Variants in DGKG observed in about 807,000 individuals in gnomAD.
The protein encoded by DGKG is DAG kinase gamma.
In DGKG, 78 loss-of-function variants were observed where a neutral mutation model predicts 105.3. The ratio of observed to expected loss-of-function variants is 0.74; its 90% CI spans 0.62 to 0.89. The LOEUF is 0.89. Ranked by LOEUF, DGKG falls within the 40% of genes least tolerant of loss-of-function variation. The pLI, the probability that DGKG is intolerant of heterozygous loss-of-function variation, is 0.00. For synonymous variants in DGKG, 346 were observed against 367.1 expected, an observed-to-expected ratio of 0.94 and a Z score of 0.66; for missense variants, 958 against 1,020.1, an observed-to-expected ratio of 0.94 and a Z score of 0.83.
chr3:186,330,669 A>T (rs1186581478), intron 1 of DGKG, among the ~76,000 whole-genome samples: 1 of 152,198 alleles, frequency 6.6e-6, no homozygotes, highest in Admixed American at 6.5e-5. Context: ...AACCCATCTG[A>T]TGACAAGAAC....
rs1296217059 is a variant in DGKG, at chr3:186,231,139, A to C, written c.1826+11365T>G. ...CACTATTTCCTGTTGTGAATCCTTC[A>C]CACACTTGAGGCCCATTCCCAGTAC... On this transcript the variant is annotated intron_variant, in intron 20 of 24. Transcript: ENST00000265022. The surrounding 1 kb of genome is among the most constrained non-coding windows in gnomAD (Gnocchi z 4.5). Among the ~76,000 whole-genome samples the C allele has an allele frequency of 6.6e-6, 1 of 152,190 alleles. No homozygotes were observed. The highest frequency in any genetic ancestry group is 1.5e-5 in the Non-Finnish European group (1 of 68,040).
intron 1 of DGKG, among the ~76,000 whole-genome samples, chr3:186,346,279 A>G (rs1348488070): frequency 6.6e-6 from 1 of 152,126 alleles, no homozygotes; most frequent in Admixed American, 6.5e-5. Context: ...TTTCATTCAC[A>G]TCTTTGAATA....
chr3:186,148,419 T>C lies in DGKG; in HGVS notation c.*1671A>G. On this transcript the variant is annotated 3_prime_UTR_variant, in exon 25 of 25. Transcript: ENST00000265022. ...ACCTTCGATCTCAGACCAACTTCTT[T>C]TCCATTCAGGTCAGAGAGAACCTCT... 2.0e-6 allele frequency: 2 copies of C among 985,406 alleles called. No individual in the cohort carries two copies. Among genetic ancestry groups the C allele is most frequent in the Non-Finnish European group, 2.4e-6 (2 of 829,936 alleles). The allele number at this position is 985,406 out of a possible 1,614,324, so 61.0% of individuals were successfully genotyped here. A position where few individuals can be genotyped will look rare whatever the true frequency, so the allele number is the denominator to read the frequency against.
intron 20 of DGKG, among the ~76,000 whole-genome samples, chr3:186,238,019 G>A (rs1720497333): frequency 6.6e-6 from 1 of 152,140 alleles, no homozygotes; most frequent in South Asian, 2.1e-4. Context: ...TTGGCCAGGA[G>A]TGGTGGCTCA....
chr3:186,239,838 A>G (rs1443713922), intron 20 of DGKG, among the ~76,000 whole-genome samples: 5 of 152,138 alleles, frequency 3.3e-5, no homozygotes, highest in African/African-American at 4.8e-5. Context: ...GGAGAAGGAA[A>G]AACAGTTCTA....
intron 3 of DGKG, among the ~76,000 whole-genome samples, chr3:186,305,208 G>A (rs890735745): frequency 6.6e-6 from 1 of 152,172 alleles, no homozygotes; most frequent in African/African-American, 2.4e-5. Flanking sequence ...TGCAGAGCAG[G>A]GGGATAGGAA....
At chr3:186,181,087 G>A (rs1229194939) in intron 22 of DGKG, among the ~76,000 whole-genome samples, 1 of 152,208 alleles carries the variant, frequency 6.6e-6, no homozygotes, top group African/African-American at 2.4e-5. Flanking sequence ...CTGGCTTGCT[G>A]GCCTTGCCTG....
chr3:186,331,075 G>A lies in DGKG; in HGVS notation c.-248-10368C>T, dbSNP rs1252751799. ...AAAATTATAGGCTAAAAATACCTTCGATGCAAATATGTATCACTGCCTGCT... is the reference window on the plus strand; with the variant it reads ...AAAATTATAGGCTAAAAATACCTTCAATGCAAATATGTATCACTGCCTGCT... On this transcript the variant is annotated intron_variant, in intron 1 of 24. Coordinates refer to ENST00000265022, the MANE Select transcript of DGKG (RefSeq NM_001346.3). Among the ~76,000 whole-genome samples, 5 of 152,152 alleles carry A rather than the reference G, an allele frequency of 3.3e-5. No homozygotes were observed. The South Asian group carries it at 6.2e-4, about 19-fold the overall frequency.
At position 186,265,277 on chromosome 3, in the gene DGKG, G is replaced by T; in HGVS notation, c.1239C>A (p.Cys413Ter). ...TGACAAGTTCGCCCTTGGCGGACACGCAGCCATCAGACTTCTCACCTGGCC... is the reference window on the plus strand; with the variant it reads ...TGACAAGTTCGCCCTTGGCGGACACTCAGCCATCAGACTTCTCACCTGGCC... ...RDRPGEKSDG[C>*]VSAKGELVMQ... is the part of the protein sequence containing the mutation. Residue 413 changes from cysteine to a stop codon, truncating the protein, a stop_gained, in exon 14 of 25, where the codon TGC becomes TGA. Coordinates refer to ENST00000265022, the MANE Select transcript of DGKG (RefSeq NM_001346.3). LOFTEE classifies it high-confidence loss of function. 1 of 1,614,218 alleles carries T rather than the reference G, an allele frequency of 6.2e-7. No homozygotes were observed. Among genetic ancestry groups the T allele is most frequent in the Non-Finnish European group, 8.5e-7 (1 of 1,180,020 alleles).
chr3:186,265,121 G>A (rs1310132014), intron 14 of DGKG, 126 bp downstream of exon 14: 4 of 837,312 alleles, frequency 4.8e-6, no homozygotes, highest in East Asian at 2.6e-5. Context: ...CCTCCTGGGT[G>A]GTATAATTAG....
chr3:186,289,521 A>G (rs923868644), intron 5 of DGKG, among the ~76,000 whole-genome samples: 1 of 152,206 alleles, frequency 6.6e-6, no homozygotes. Context: ...TGTCTCTTCC[A>G]CACTCTGTCC....
chr3:186,151,674 T>A (rs1343194308), intron 24 of DGKG, among the ~76,000 whole-genome samples: 1 of 152,132 alleles, frequency 6.6e-6, no homozygotes, highest in African/African-American at 2.4e-5. Flanking sequence ...GAGATGGCAT[T>A]CTGTGCTGGA....
intron 6 of DGKG, among the ~76,000 whole-genome samples, chr3:186,285,006 A>C (rs1722997156): frequency 1.3e-5 from 2 of 152,184 alleles, no homozygotes; most frequent in Admixed American, 1.3e-4. Context: ...ACTAGAACAC[A>C]ACCTAAAGCA....
intron 22 of DGKG, among the ~76,000 whole-genome samples, chr3:186,166,388 A>G (rs553862332): frequency 3.9e-5 from 6 of 152,218 alleles, no homozygotes; most frequent in Non-Finnish European, 8.8e-5. Context: ...GTGAAAAGAT[A>G]CTGTCTCCTT....
chr3:186,335,105 T>C (rs1272430872), intron 1 of DGKG, among the ~76,000 whole-genome samples: 1 of 152,186 alleles, frequency 6.6e-6, no homozygotes, highest in African/African-American at 2.4e-5. Flanking sequence ...TGGTATTTAT[T>C]AGCTTGCCCA....
chr3:186,147,262 T>C lies in DGKG; in HGVS notation c.*2828A>G. 1.0e-6 allele frequency: 1 copy of C among 985,928 alleles called. No homozygotes were observed. Among genetic ancestry groups the C allele is most frequent in the South Asian group, 4.7e-5 (1 of 21,286 alleles). 61.1% of individuals were successfully genotyped at this position (985,928 alleles called of 1,614,324 possible). On this transcript the variant is annotated 3_prime_UTR_variant, in exon 25 of 25. Coordinates refer to ENST00000265022, the MANE Select transcript of DGKG (RefSeq NM_001346.3). ...AGCATGGGGGGCAGGTGAGAACATG[T>C]TTGTAGCATGGCCAGAATCAGAATA...
In DGKG at chr3:186,188,201, C is replaced by A. The variant is rs1200690142; in HGVS notation, c.2095+1G>T. The A allele has an allele frequency of 6.2e-7, 1 of 1,614,138 alleles. No homozygotes were observed. Among genetic ancestry groups the A allele is most frequent in the Admixed American group, 1.7e-5 (1 of 60,008 alleles). Reference sequence around the variant, plus strand: ...AACAATTATCCTCATTCCTGGCTTACCTTGAACGCAGAATTTCAGTTCTTT... The same window carrying A: ...AACAATTATCCTCATTCCTGGCTTAACTTGAACGCAGAATTTCAGTTCTTT... On this transcript the variant is annotated splice_donor_variant, in intron 22 of 24. Transcript: ENST00000265022. LOFTEE classifies it high-confidence loss of function.
At chr3:186,268,669 G>A (rs145401931) in intron 12 of DGKG, 132 bp downstream of exon 12, 126 of 646,574 alleles carry the variant, frequency 1.9e-4, no homozygotes, top group Non-Finnish European at 2.9e-4. Context: ...TTGAATAGGC[G>A]CTGTGGGGTC....
Position 186,158,672 on chromosome 3 carries a change from T to C in DGKG, c.2277+2931A>G, listed in dbSNP as rs984663103. 3.8e-5 allele frequency: 36 copies of C among 954,584 alleles called. 1 individual carries two copies. Among genetic ancestry groups the C allele is most frequent in the Middle Eastern group, 1.1e-3 (2 of 1,880 alleles). The allele number at this position is 954,584 out of a possible 1,614,324, so 59.1% of individuals were successfully genotyped here. On this transcript the variant is annotated intron_variant, in intron 24 of 24. Transcript: ENST00000265022. ...AGAGTTATTTCATCCAAGCATTTATTTTTTTGCTACTTAACCTCAAAGATG... is the reference window on the plus strand; with the variant it reads ...AGAGTTATTTCATCCAAGCATTTATCTTTTTGCTACTTAACCTCAAAGATG...
Sources: allele counts gnomAD v4.1 joint callset (sites outside exome capture counted in the v4.1 genomes callset), GRCh38; gene constraint gnomAD v4.1.1; non-coding constraint Gnocchi (gnomAD v3.1); transcripts MANE v1.5; gene names NCBI Gene and HGNC (gene_info 2026-07-23, HGNC 2026-07-21).